Variants in AGBL4 observed in about 807,000 individuals in gnomAD.
AGBL4 encodes AGBL carboxypeptidase 4, also known as cytosolic carboxypeptidase 6.
Under a neutral mutation model 66.4 loss-of-function variants are expected in AGBL4, and 58 were observed. The observed-to-expected ratio is 0.87, with a 90% CI of 0.71 to 1.09. The LOEUF (loss-of-function observed/expected upper bound fraction) is 1.09, where lower values mean the gene tolerates loss of function less well. Among genes scored for constraint, AGBL4 ranks in the 50% least tolerant of loss-of-function variants. AGBL4 has a pLI of 0.00. For synonymous variants in AGBL4, 234 were observed against 222.9 expected (o/e 1.05, Z -0.44); for missense variants, 579 against 631.0 (o/e 0.92, Z 0.88).
At chr1:49,897,717 T>C (rs1649360541) in intron 1 of AGBL4, among the ~76,000 whole-genome samples, 1 of 152,098 alleles carries the variant, frequency 6.6e-6, no homozygotes, top group East Asian at 1.9e-4. Context: ...TACAGAGCGA[T>C]AGTAACTCAA....
At chr1:49,037,316 G>A (rs547643507) in intron 5 of AGBL4, among the ~76,000 whole-genome samples, 10 of 152,020 alleles carry the variant, frequency 6.6e-5, no homozygotes, top group African/African-American at 2.4e-4. Context: ...TTTGCCTGTG[G>A]GAAGGAAAGC....
intron 11 of AGBL4, among the ~76,000 whole-genome samples, chr1:48,542,028 T>C (rs962504852): frequency 6.6e-6 from 1 of 152,154 alleles, no homozygotes. Context: ...TGTGTGTTTT[T>C]CCCCTCCCTG....
At chr1:48,525,254 T>C in the AGBL4 span, among the ~76,000 whole-genome samples, 3 of 152,104 alleles carry the variant, frequency 2.0e-5, no homozygotes, top group Non-Finnish European at 4.4e-5. Context: ...ACCAAAGCCA[T>C]TACCAAGTGT....
At chr1:49,277,265 T>C (rs1053188632) in intron 3 of AGBL4, among the ~76,000 whole-genome samples, 2 of 152,198 alleles carry the variant, frequency 1.3e-5, no homozygotes, top group East Asian at 1.9e-4. Context: ...TACTAACATA[T>C]ATTTTTTGAT....
chr1:49,151,350 G>A (rs1409609742), intron 4 of AGBL4, among the ~76,000 whole-genome samples: 1 of 150,728 alleles, frequency 6.6e-6, no homozygotes, highest in African/African-American at 2.4e-5. Flanking sequence ...GGAGATTCAG[G>A]GAAGTTTTTG....
intron 4 of AGBL4, among the ~76,000 whole-genome samples, chr1:49,114,035 C>A (rs1037820824): frequency 1.3e-5 from 2 of 152,192 alleles, no homozygotes; most frequent in African/African-American, 4.8e-5. Flanking sequence ...TCCATTAGCT[C>A]CTCACAAGAG....
chr1:48,648,016 T>A (rs1425302822), intron 8 of AGBL4, among the ~76,000 whole-genome samples: 2 of 152,212 alleles, frequency 1.3e-5, no homozygotes, highest in African/African-American at 4.8e-5. Flanking sequence ...CCCATTGTAT[T>A]GTCAGTAGCC....
At chr1:48,581,554 C>T (rs1569873548) in intron 11 of AGBL4, among the ~76,000 whole-genome samples, 1 of 152,190 alleles carries the variant, frequency 6.6e-6, no homozygotes, top group African/African-American at 2.4e-5. Flanking sequence ...CCTTTCTCTC[C>T]CTCTTTTTCA....
At chr1:49,847,003 T>C (rs372799991) in intron 2 of AGBL4, among the ~76,000 whole-genome samples, 8 of 152,294 alleles carry the variant, frequency 5.3e-5, no homozygotes, top group Non-Finnish European at 8.8e-5. Flanking sequence ...AAGCTGGAGA[T>C]ATCAAATTAT....
intron 5 of AGBL4, among the ~76,000 whole-genome samples, chr1:49,006,484 A>C (rs1397247963): frequency 6.6e-6 from 1 of 152,240 alleles, no homozygotes; most frequent in Non-Finnish European, 1.5e-5. Flanking sequence ...TTGCTTAGGT[A>C]AACAAAGCAG....
At chr1:48,551,759 C>G (rs1265228963) in intron 11 of AGBL4, among the ~76,000 whole-genome samples, 2 of 151,972 alleles carry the variant, frequency 1.3e-5, no homozygotes, top group Non-Finnish European at 2.9e-5. Flanking sequence ...TAGATGATCT[C>G]TAGTTCTAAT....
At chr1:49,483,814 A>C (rs927048025) in intron 3 of AGBL4, among the ~76,000 whole-genome samples, 1 of 152,046 alleles carries the variant, frequency 6.6e-6, no homozygotes, top group Non-Finnish European at 1.5e-5. Flanking sequence ...GTGAAGAGAC[A>C]ACCCATAGAA....
intron 3 of AGBL4, among the ~76,000 whole-genome samples, chr1:49,342,191 G>A (rs1570474892): frequency 6.6e-6 from 1 of 152,022 alleles, no homozygotes; most frequent in African/African-American, 2.4e-5. Context: ...CTCTCTGTGC[G>A]CAAGCTGGTT....
chr1:48,742,481 C>T, intron 6 of AGBL4: 1 of 821,424 alleles, frequency 1.2e-6, no homozygotes, highest in Non-Finnish European at 1.7e-6. Context: ...TGATAGTATA[C>T]AAATTCCAGA....
intron 5 of AGBL4, among the ~76,000 whole-genome samples, chr1:48,901,439 A>G (rs1570959175): frequency 6.6e-6 from 1 of 152,198 alleles, no homozygotes; most frequent in South Asian, 2.1e-4. Flanking sequence ...AGCTTTATTC[A>G]TAATAGTCAA....
At chr1:49,652,906 G>T (rs917559879) in intron 3 of AGBL4, among the ~76,000 whole-genome samples, 4 of 152,116 alleles carry the variant, frequency 2.6e-5, no homozygotes, top group Admixed American at 1.3e-4. Context: ...TGGCTCTCAG[G>T]AGTCAGGGTA....
chr1:49,336,960 G>T (rs1645450107), intron 3 of AGBL4, among the ~76,000 whole-genome samples: 1 of 152,178 alleles, frequency 6.6e-6, no homozygotes, highest in Admixed American at 6.5e-5. Flanking sequence ...TTAAGTAGGT[G>T]CTCAGAGGAT....
chr1:48,681,593 C>G (rs949836497), intron 6 of AGBL4, among the ~76,000 whole-genome samples: 1 of 152,110 alleles, frequency 6.6e-6, no homozygotes, highest in Admixed American at 6.5e-5. Context: ...AAGCCAGGGT[C>G]GAGTTAACCT....
chr1:50,012,757 A>C (rs1661645691), intron 1 of AGBL4, among the ~76,000 whole-genome samples: 1 of 152,166 alleles, frequency 6.6e-6, no homozygotes, highest in African/African-American at 2.4e-5. Context: ...TTCAAGGGTG[A>C]GTTGGCAACT....
Sources: allele counts gnomAD v4.1 joint callset (sites outside exome capture counted in the v4.1 genomes callset), GRCh38; gene constraint gnomAD v4.1.1; transcripts MANE v1.5; gene names NCBI Gene and HGNC (gene_info 2026-07-23, HGNC 2026-07-21).